The following VPS13C variants were observed in gnomAD, a reference collection of about 807,000 sequenced individuals.
VPS13C encodes the protein vacuolar protein sorting 13 homolog C, also known as intermembrane lipid transfer protein VPS13C.
A neutral mutation model predicts 456.8 loss-of-function variants in VPS13C; 358 were observed. That is an observed-to-expected ratio of 0.78 (90% CI 0.72 to 0.86). VPS13C has a LOEUF of 0.86. Ranked by LOEUF, VPS13C falls within the 40% of genes least tolerant of loss-of-function variation. The probability of loss-of-function intolerance (pLI) is 0.00; values close to 1 mark genes in which losing one functional copy is unlikely to be tolerated. For missense variants in VPS13C, 4,818 were observed against 4,385.4 expected (o/e 1.10, Z -2.79); for synonymous variants, 1,578 against 1,486.7 (o/e 1.06, Z -1.41).
At chr15:61,984,507 T>C (rs1336299189) in intron 19 of VPS13C, among the ~76,000 whole-genome samples, 2 of 152,264 alleles carry the variant, frequency 1.3e-5, no homozygotes, top group African/African-American at 2.4e-5. Context: ...TCTAATGTTA[T>C]ATAGTTCTTG....
intron 8 of VPS13C, among the ~76,000 whole-genome samples, chr15:62,022,048 C>T (rs1348213747): frequency 2.0e-5 from 3 of 151,760 alleles, no homozygotes; most frequent in African/African-American, 7.3e-5. Flanking sequence ...CCCATTCATC[C>T]ACTGATGGGC....
At chr15:62,016,131 T>C (rs1465822330) in intron 9 of VPS13C, among the ~76,000 whole-genome samples, 1 of 151,566 alleles carries the variant, frequency 6.6e-6, no homozygotes, top group African/African-American at 2.4e-5. Context: ...TGTCCTTCTT[T>C]TTCTGTTTCT....
intron 66 of VPS13C, among the ~76,000 whole-genome samples, chr15:61,905,575 C>T (rs549402141): frequency 3.9e-5 from 6 of 152,106 alleles, no homozygotes; most frequent in East Asian, 1.9e-4. Flanking sequence ...AAATTCCTAT[C>T]GTAAGAATTA....
intron 1 of VPS13C, among the ~76,000 whole-genome samples, chr15:62,056,566 G>A (rs1258592063): frequency 1.3e-5 from 2 of 152,166 alleles, no homozygotes; most frequent in Non-Finnish European, 2.9e-5. Flanking sequence ...GCAGACCAGG[G>A]AAGGGAGGCT....
chr15:61,854,041 C>CAA lies in VPS13C; in HGVS notation c.*414_*415dup, dbSNP rs5813124. The CAA allele has an allele frequency of 0.03, 4,049 of 137,078 alleles. 137 individuals carry two copies. Among genetic ancestry groups the CAA allele is most frequent in the African/African-American group, 0.085 (2,854 of 33,412 alleles). The allele number at this position is 137,078 out of a possible 1,614,324, so 8.5% of individuals were successfully genotyped here. Reference sequence around the variant, plus strand: ...TGGGCGACAGAGCAAGACTCGGTCTCAAAAAAAAAAAAAACCCCAAAAAAA... The same window carrying CAA: ...TGGGCGACAGAGCAAGACTCGGTCTCAAAAAAAAAAAAAAAACCCCAAAAAAA... On this transcript the variant is annotated 3_prime_UTR_variant, in exon 85 of 85. Coordinates refer to ENST00000644861, the MANE Select transcript of VPS13C (RefSeq NM_020821.3).
chr15:61,872,045 A>G lies in VPS13C; in HGVS notation c.10579-11T>C. 6.2e-7 allele frequency: 1 copy of G among 1,612,126 alleles called. No individual in the cohort carries two copies. Among genetic ancestry groups the G allele is most frequent in the East Asian group, 2.2e-5 (1 of 44,748 alleles). On this transcript the variant is annotated splice_polypyrimidine_tract_variant and intron_variant, in intron 78 of 84. Coordinates refer to ENST00000644861, the MANE Select transcript of VPS13C (RefSeq NM_020821.3). The stretch of plus-strand genomic sequence containing the variant: ...TCCACCAACAACTCCCTGAAAGAGA[A>G]ATCAATCATATAGTTTAGACTGAAT...
intron 42 of VPS13C, 75 bp downstream of exon 42, chr15:61,949,368 T>A: frequency 3.3e-6 from 5 of 1,521,414 alleles, no homozygotes; most frequent in Non-Finnish European, 4.5e-6. Context: ...ATATTCATCT[T>A]AACTGAAAAA....
At chr15:61,980,661 G>T (rs2045855783) in intron 22 of VPS13C, among the ~76,000 whole-genome samples, 1 of 151,436 alleles carries the variant, frequency 6.6e-6, no homozygotes, top group Admixed American at 6.6e-5. Flanking sequence ...TCTATAAACA[G>T]TACCTATTTT....
Position 61,884,219 on chromosome 15 carries a change from C to G in VPS13C, c.9392G>C (p.Ser3131Thr). The G allele has an allele frequency of 6.2e-7, 1 of 1,610,886 alleles. No homozygotes were observed. Among genetic ancestry groups the G allele is most frequent in the Non-Finnish European group, 8.5e-7 (1 of 1,178,818 alleles). The stretch of plus-strand genomic sequence containing the variant: ...TTCCAATAAGATTATCTGCTTTTGA[C>G]TAAATGGCTTCCATTTCTGCTTTGG... ...VKPKQKWKPF[S>T]QKQIILLEQS... The change falls in exon 68 of 85, where the codon AGT (serine) becomes ACT (threonine). Residue 3131 changes from serine to threonine, a missense_variant. Coordinates refer to ENST00000644861, the MANE Select transcript of VPS13C (RefSeq NM_020821.3).
At chr15:61,863,254 C>G (rs915954000) in intron 82 of VPS13C, among the ~76,000 whole-genome samples, 186 bp downstream of exon 82, 1 of 151,792 alleles carries the variant, frequency 6.6e-6, no homozygotes, top group Admixed American at 6.6e-5. Context: ...ATGAGGAGGT[C>G]GGAAAAGAAA....
At chr15:61,897,784 C>T (rs1275548895) in intron 66 of VPS13C, among the ~76,000 whole-genome samples, 1 of 151,962 alleles carries the variant, frequency 6.6e-6, no homozygotes, top group African/African-American at 2.4e-5. Flanking sequence ...AAGAGCAACT[C>T]CAAGACACAT....
At chr15:62,009,246 A>G (rs549987683) in intron 13 of VPS13C, among the ~76,000 whole-genome samples, 2 of 152,328 alleles carry the variant, frequency 1.3e-5, no homozygotes, top group East Asian at 1.9e-4. Flanking sequence ...CCAAAGCAAC[A>G]TAAAGCTATT....
intron 38 of VPS13C, among the ~76,000 whole-genome samples, chr15:61,953,370 C>T (rs955156858): frequency 1.4e-5 from 2 of 147,424 alleles, no homozygotes; most frequent in Middle Eastern, 3.5e-3. Flanking sequence ...GGTATATCTC[C>T]TAAAGCTATC....
intron 27 of VPS13C, among the ~76,000 whole-genome samples, chr15:61,971,145 G>C (rs879416348): frequency 6.6e-6 from 1 of 152,192 alleles, no homozygotes; most frequent in East Asian, 1.9e-4. Context: ...TGTTACAAAT[G>C]TAAGGCCTTG....
Position 61,929,675 on chromosome 15 carries a change from C to G in VPS13C, c.6112G>C (p.Gly2038Arg). The G allele has an allele frequency of 6.2e-7, 1 of 1,614,000 alleles. No individual in the cohort carries two copies. The change falls in exon 51 of 85, where the codon GGA (glycine) becomes CGA (arginine). Residue 2038 changes from glycine (G) to arginine (R), a missense_variant. By Grantham distance (125) the Gly-to-Arg change is moderately radical (BLOSUM62 -2). Coordinates refer to ENST00000644861, the MANE Select transcript of VPS13C (RefSeq NM_020821.3). ...TCAAGAACAGCATCAATTTGACTTC[C>G]ATTTTTGTCTTGTTTGTAACTTATA... ...IDISYKQDKN[G>R]SQIDAVLDKL...
chr15:62,046,720 A>G (rs1430904413), intron 1 of VPS13C, among the ~76,000 whole-genome samples: 2 of 152,246 alleles, frequency 1.3e-5, no homozygotes, highest in African/African-American at 4.8e-5. Flanking sequence ...TAATGTTTGT[A>G]AAAATATAAA....
chr15:61,984,116 C>A, intron 19 of VPS13C, 104 bp from the exon 20 acceptor site: 1 of 966,346 alleles, frequency 1.0e-6, no homozygotes, highest in Non-Finnish European at 1.5e-6. Flanking sequence ...GAACCAGGAC[C>A]ATCCATGCAC....
intron 1 of VPS13C, among the ~76,000 whole-genome samples, chr15:62,047,624 T>A (rs752523402): frequency 4.6e-5 from 7 of 152,130 alleles, no homozygotes; most frequent in Non-Finnish European, 1.0e-4. Flanking sequence ...AGGGGAGGAA[T>A]AAGCAGTATA....
chr15:61,927,340 G>A lies in VPS13C; in HGVS notation c.6287-20C>T, dbSNP rs1347562466. On this transcript the variant is annotated intron_variant, in intron 51 of 84. Transcript: ENST00000644861. ...AGTCATCTGAAGAAACAAGCAACAGGAACCAGAAAAGTTTAAGGTAAGTCT... is the reference window on the plus strand; with the variant it reads ...AGTCATCTGAAGAAACAAGCAACAGAAACCAGAAAAGTTTAAGGTAAGTCT... 2 of 1,600,104 alleles carry A rather than the reference G, an allele frequency of 1.2e-6. No homozygotes were observed. Among genetic ancestry groups the A allele is most frequent in the South Asian group, 1.1e-5 (1 of 89,538 alleles).
Sources: gnomAD v4.1 joint callset for allele counts (sites outside exome capture counted in the v4.1 genomes callset) on GRCh38, gnomAD v4.1.1 for gene constraint, MANE v1.5 for transcripts, NCBI Gene and HGNC (gene_info 2026-07-23, HGNC 2026-07-21) for gene names.